The following TASP1 variants were observed in gnomAD, a reference collection of about 807,000 sequenced individuals.
The protein encoded by TASP1 is taspase 1, also known as threonine aspartase 1.
In TASP1, 16 loss-of-function variants were observed where a neutral mutation model predicts 56.6. The ratio of observed to expected loss-of-function variants is 0.28; its 90% confidence interval spans 0.19 to 0.43. TASP1 has a LOEUF of 0.43. TASP1 is among the 20% of genes least tolerant of loss of function. TASP1 has a pLI of 1.00. For missense variants in TASP1, 393 were observed against 511.6 expected, an observed-to-expected ratio of 0.77 and a Z score of 2.24; for synonymous variants, 179 against 184.2, an observed-to-expected ratio of 0.97 and a Z score of 0.23.
intron 8 of TASP1, among the ~76,000 whole-genome samples, chr20:13,547,138 G>C (rs2045837095): frequency 6.6e-6 from 1 of 152,116 alleles, no homozygotes; most frequent in Non-Finnish European, 1.5e-5. Flanking sequence ...ACTGTGATAA[G>C]GATAAAGTAA....
chr20:13,215,091 T>C, the TASP1 span, among the ~76,000 whole-genome samples: 1 of 152,342 alleles, frequency 6.6e-6, no homozygotes, highest in South Asian at 2.1e-4. Flanking sequence ...GTTTTCTATA[T>C]GTACAGCATA....
At chr20:13,421,081 T>C (rs374486524) in intron 12 of TASP1, among the ~76,000 whole-genome samples, 1 of 151,510 alleles carries the variant, frequency 6.6e-6, no homozygotes. Context: ...ATTTGACTAG[T>C]TAAAAAGTAT....
chr20:13,444,796 G>A (rs950577521), intron 11 of TASP1, among the ~76,000 whole-genome samples: 38 of 152,282 alleles, frequency 2.5e-4, no homozygotes, highest in African/African-American at 7.7e-4. Context: ...GGCATATGGA[G>A]GTAAATGAGC....
intron 11 of TASP1, among the ~76,000 whole-genome samples, chr20:13,441,298 T>C (rs1278975010): frequency 2.0e-5 from 3 of 152,288 alleles, no homozygotes; most frequent in South Asian, 2.1e-4. Flanking sequence ...CTTCCAGGCA[T>C]TGGGGATACA....
At chr20:13,573,936 A>G (rs1015360576) in intron 6 of TASP1, among the ~76,000 whole-genome samples, 8 of 152,164 alleles carry the variant, frequency 5.3e-5, no homozygotes, top group African/African-American at 1.9e-4. Flanking sequence ...AGTTGAAGTG[A>G]CATAGTCGGG....
intron 8 of TASP1, among the ~76,000 whole-genome samples, chr20:13,550,147 T>TACACACAC (rs149572327): frequency 0.095 from 12,795 of 135,164 alleles, 774 homozygotes; most frequent in Non-Finnish European, 0.13. Context: ...TATATACACA[T>TACACACAC]ACACACACAC....
intron 4 of TASP1, among the ~76,000 whole-genome samples, chr20:13,598,570 C>T (rs1449026784): frequency 6.6e-6 from 1 of 152,000 alleles, no homozygotes; most frequent in African/African-American, 2.4e-5. Flanking sequence ...GACCTAAAAC[C>T]ATAAAAACCC....
At chr20:13,627,634 C>A (rs951610347) in intron 2 of TASP1, among the ~76,000 whole-genome samples, 1 of 150,716 alleles carries the variant, frequency 6.6e-6, no homozygotes, top group African/African-American at 2.5e-5. Context: ...GCCTGTAATC[C>A]CAGTTACTCA....
the TASP1 span, among the ~76,000 whole-genome samples, chr20:13,357,117 A>C: frequency 6.6e-6 from 1 of 150,526 alleles, no homozygotes. Context: ...AAATCAACAA[A>C]TCATATAAAT....
intron 13 of TASP1, among the ~76,000 whole-genome samples, chr20:13,399,740 G>A (rs1370976920): frequency 6.6e-6 from 1 of 152,212 alleles, no homozygotes; most frequent in Admixed American, 6.5e-5. Context: ...TAAGATGTAA[G>A]TCAGTTCATA....
At chr20:13,430,273 T>A (rs2042760889) in intron 12 of TASP1, among the ~76,000 whole-genome samples, 1 of 152,156 alleles carries the variant, frequency 6.6e-6, no homozygotes, top group African/African-American at 2.4e-5. Flanking sequence ...CAAAATGCGG[T>A]GGTTTAAGAC....
chr20:13,515,118 A>C (rs1407136874), intron 10 of TASP1, among the ~76,000 whole-genome samples: 1 of 152,146 alleles, frequency 6.6e-6, no homozygotes, highest in Non-Finnish European at 1.5e-5. Context: ...TTCTGTTTGC[A>C]GCAAGAACCT....
the TASP1 span, among the ~76,000 whole-genome samples, chr20:13,254,713 G>A: frequency 2.0e-5 from 3 of 152,158 alleles, no homozygotes; most frequent in South Asian, 4.1e-4. Flanking sequence ...GCCAGGACTC[G>A]GGGTCACCAC....
chr20:13,256,395 CAAAAA>C, the TASP1 span, among the ~76,000 whole-genome samples: 5 of 71,782 alleles, frequency 7.0e-5, no homozygotes, highest in Admixed American at 1.6e-4. Context: ...GACCCCGTCT[CAAAAA>C]AAAAAAAAAA....
intron 4 of TASP1, among the ~76,000 whole-genome samples, chr20:13,610,375 A>G (rs2048309245): frequency 6.6e-6 from 1 of 152,198 alleles, no homozygotes; most frequent in East Asian, 1.9e-4. Flanking sequence ...GGTCAGGACC[A>G]GTGTTACCCT....
intron 13 of TASP1, among the ~76,000 whole-genome samples, chr20:13,412,429 T>C (rs767450330): frequency 1.1e-4 from 16 of 152,190 alleles, no homozygotes; most frequent in Non-Finnish European, 1.9e-4. Context: ...CTGGATACTT[T>C]TTAAAAATTT....
chr20:13,543,550 G>A lies in TASP1; in HGVS notation c.676-9409C>T, dbSNP rs139748178. On this transcript the variant is annotated intron_variant, in intron 8 of 13. Transcript: ENST00000337743. Reference sequence around the variant, plus strand: ...TTGGAGGTGGAGGCTAGAGTGAGCCGAGATTGCGCCACTGCACTCCAGCCT... The same window carrying A: ...TTGGAGGTGGAGGCTAGAGTGAGCCAAGATTGCGCCACTGCACTCCAGCCT... 1.3e-3 allele frequency among the ~76,000 whole-genome samples: 196 copies of A among 152,264 alleles called. 4 individuals are homozygous for A. The East Asian group carries it at 0.036, about 28-fold the overall frequency.
At chr20:13,330,802 G>A in the TASP1 span, among the ~76,000 whole-genome samples, 2 of 152,104 alleles carry the variant, frequency 1.3e-5, no homozygotes, top group Admixed American at 6.5e-5. Flanking sequence ...TATGCACTGA[G>A]GTGTTCATAG....
chr20:13,488,902 C>G (rs1312605014), intron 10 of TASP1, among the ~76,000 whole-genome samples: 1 of 152,142 alleles, frequency 6.6e-6, no homozygotes, highest in Non-Finnish European at 1.5e-5. Context: ...AACTAAAATT[C>G]CATGCTTCAT....
Sources: allele counts gnomAD v4.1 joint callset (sites outside exome capture counted in the v4.1 genomes callset), GRCh38; gene constraint gnomAD v4.1.1; transcripts MANE v1.5; gene names NCBI Gene and HGNC (gene_info 2026-07-23, HGNC 2026-07-21).